Variants in CDYL observed in about 807,000 individuals in gnomAD.
CDYL encodes chromodomain Y like, also known as chromodomain Y-like protein.
CDYL carries 8 observed loss-of-function variants against 47.3 expected under a neutral mutation model. That is an observed-to-expected ratio of 0.17 (90% CI 0.10 to 0.31). The LOEUF (loss-of-function observed/expected upper bound fraction) is 0.31, where lower values mean the gene tolerates loss of function less well. CDYL is among the 10% of genes least tolerant of loss of function. The probability of loss-of-function intolerance (pLI) is 1.00; values close to 1 mark genes in which losing one functional copy is unlikely to be tolerated. For synonymous variants in CDYL, 266 were observed against 265.0 expected (o/e 1.00, Z -0.04); for missense variants, 471 against 701.4 (o/e 0.67, Z 3.71).
intron 2 of CDYL, among the ~76,000 whole-genome samples, chr6:4,729,779 A>G (rs1483862835): frequency 1.3e-5 from 2 of 152,152 alleles, no homozygotes; most frequent in Non-Finnish European, 2.9e-5. Context: ...TTAGCTGTGC[A>G]TGGTGGTGCA....
chr6:4,944,527 A>G (rs1004915896), intron 5 of CDYL, among the ~76,000 whole-genome samples: 1 of 152,180 alleles, frequency 6.6e-6, no homozygotes, highest in Non-Finnish European at 1.5e-5. Flanking sequence ...ACCCGCAGCC[A>G]GGCAGCCAGG....
At chr6:4,724,871 C>CT (rs1757474356) in intron 2 of CDYL, 1 of 152,164 alleles carries the variant, frequency 6.6e-6, no homozygotes, top group Admixed American at 6.5e-5. Context: ...TGGAAAAAGA[C>CT]CACAGCAGAT....
chr6:4,753,759 T>C (rs1324824815), intron 3 of CDYL, among the ~76,000 whole-genome samples: 1 of 152,196 alleles, frequency 6.6e-6, no homozygotes, highest in East Asian at 1.9e-4. Flanking sequence ...GTGATAAATT[T>C]CCTTGGGGCT....
chr6:4,845,483 GAAT>G (rs1301538393), intron 1 of CDYL, among the ~76,000 whole-genome samples: 3 of 152,192 alleles, frequency 2.0e-5, no homozygotes. Flanking sequence ...ATTAAAATCA[GAAT>G]AACAAATAGT....
At chr6:4,734,381 G>A (rs1582293625) in intron 2 of CDYL, among the ~76,000 whole-genome samples, 2 of 152,264 alleles carry the variant, frequency 1.3e-5, no homozygotes, top group East Asian at 1.9e-4. Flanking sequence ...ACAGCCTGGG[G>A]CACATGATGC....
At chr6:4,775,666 A>T (rs1340017749), upstream of CDYL, among the ~76,000 whole-genome samples, 1 of 149,664 alleles carries the variant, frequency 6.7e-6, no homozygotes, top group Non-Finnish European at 1.5e-5. This position sits in a 1 kb window ranked among gnomAD's most constrained non-coding sequence, Gnocchi z 7.0. Context: ...CGCCCCCCGG[A>T]TCCCACCCCC....
intron 1 of CDYL, among the ~76,000 whole-genome samples, chr6:4,780,296 G>A (rs984437096): frequency 6.4e-5 from 9 of 140,318 alleles, no homozygotes; most frequent in Non-Finnish European, 1.1e-4. Context: ...GTGGCTTCAT[G>A]TTGTCAGCTC....
chr6:4,819,162 C>CTCTCTCTCTCTCTCTCTCTGTGTGTGTG (rs1016051589), intron 1 of CDYL, among the ~76,000 whole-genome samples: 1 of 111,944 alleles, frequency 8.9e-6, no homozygotes, highest in African/African-American at 4.8e-5. Context: ...CTCTCTCTCT[C>CTCTCTCTCTCTCTCTCTCTGTGTGTGTG]TGTGTGTGTG....
At chr6:4,871,645 C>T (rs1761477784) in intron 1 of CDYL, among the ~76,000 whole-genome samples, 1 of 152,150 alleles carries the variant, frequency 6.6e-6, no homozygotes, top group Non-Finnish European at 1.5e-5. Flanking sequence ...CAAATATTGA[C>T]TGTGCATCTG....
chr6:4,778,340 A>G (rs1267961508), intron 1 of CDYL, among the ~76,000 whole-genome samples: 1 of 152,252 alleles, frequency 6.6e-6, no homozygotes, highest in East Asian at 1.9e-4. Flanking sequence ...GTAGCACCTT[A>G]TACGTAAGTT....
At chr6:4,826,960 A>G (rs537436741) in intron 1 of CDYL, among the ~76,000 whole-genome samples, 1 of 152,142 alleles carries the variant, frequency 6.6e-6, no homozygotes, top group Non-Finnish European at 1.5e-5. Context: ...AGCTTTGTCA[A>G]TATTTGCTTC....
At chr6:4,794,817 T>C (rs1249639380) in intron 1 of CDYL, among the ~76,000 whole-genome samples, 8 of 152,188 alleles carry the variant, frequency 5.3e-5, no homozygotes, top group Admixed American at 3.3e-4. Flanking sequence ...GAAAAGCAGT[T>C]GGTTAATGCC....
At chr6:4,918,821 G>T (rs779979753) in intron 2 of CDYL, among the ~76,000 whole-genome samples, 4 of 152,138 alleles carry the variant, frequency 2.6e-5, no homozygotes, top group Non-Finnish European at 5.9e-5. Context: ...TGAACACTTC[G>T]ATTTCCTTTG....
chr6:4,793,123 C>T (rs1758971175), intron 1 of CDYL, among the ~76,000 whole-genome samples: 2 of 151,602 alleles, frequency 1.3e-5, no homozygotes, highest in South Asian at 4.2e-4. Flanking sequence ...TGGCAAATTT[C>T]TCTCCTCATG....
chr6:4,923,931 A>T (rs975955006), intron 2 of CDYL, among the ~76,000 whole-genome samples: 10 of 151,704 alleles, frequency 6.6e-5, no homozygotes, highest in Admixed American at 3.9e-4. Flanking sequence ...AAAAAAAAAA[A>T]GAGTTCCCCT....
chr6:4,811,427 C>T (rs1759524766), intron 1 of CDYL, among the ~76,000 whole-genome samples: 1 of 152,242 alleles, frequency 6.6e-6, no homozygotes, highest in African/African-American at 2.4e-5. Context: ...TCCCTCAGCT[C>T]TTGCTCTCTT....
intron 3 of CDYL, among the ~76,000 whole-genome samples, chr6:4,757,991 AT>A (rs1758102256): frequency 6.6e-6 from 1 of 152,164 alleles, no homozygotes; most frequent in Non-Finnish European, 1.5e-5. Context: ...AAGTTTCCTA[AT>A]TTGTTAATTT....
chr6:4,822,641 T>C (rs1362459633), intron 1 of CDYL, among the ~76,000 whole-genome samples: 2 of 152,178 alleles, frequency 1.3e-5, no homozygotes, highest in African/African-American at 4.8e-5. Flanking sequence ...TCAAAGTATG[T>C]GTGTAGTATC....
At position 4,935,604 on chromosome 6, in the gene CDYL, T is replaced by C. The variant is rs748913405; in HGVS notation, c.781T>C (p.Phe261Leu). 6.2e-6 allele frequency: 10 copies of C among 1,614,006 alleles called. No homozygotes were observed. The South Asian group carries it at 1.1e-4, about 18-fold the overall frequency. Reference protein sequence around the residue: ...VTGVTASKRKFIDDRRDQPFD... With the variant: ...VTGVTASKRKLIDDRRDQPFD... ...AGGAGTGACTGCCAGCAAAAGGAAA[T>C]TTATTGACGACAGAAGAGACCAGCC... Residue 261 changes from phenylalanine to leucine, a missense_variant, in exon 3 of 7, where the codon TTT (phenylalanine) becomes CTT (leucine). Phe to Leu is a conservative substitution (Grantham distance 22). This residue lies in a region of CDYL where 311 missense variants were observed against 350.0 expected (regional missense o/e 0.89). Coordinates refer to ENST00000397588, the MANE Select transcript of CDYL (RefSeq NM_004824.4).
Sources: allele counts gnomAD v4.1 joint callset (sites outside exome capture counted in the v4.1 genomes callset), GRCh38; gene constraint gnomAD v4.1.1; regional missense constraint gnomAD v4.1.1; non-coding constraint Gnocchi (gnomAD v3.1); transcripts MANE v1.5; gene names NCBI Gene and HGNC (gene_info 2026-07-23, HGNC 2026-07-21).